TFDP2: variants seen among roughly 807,000 people sequenced by gnomAD.
TFDP2 encodes the protein transcription factor Dp-2 (E2F dimerization partner 2).
Under a neutral mutation model 59.3 loss-of-function variants are expected in TFDP2, and 17 were observed. The ratio of observed to expected loss-of-function variants is 0.29; its 90% CI spans 0.20 to 0.43. The LOEUF (loss-of-function observed/expected upper bound fraction) is 0.43. Among genes scored for constraint, TFDP2 ranks in the 20% least tolerant of loss-of-function variants. TFDP2 has a pLI of 1.00. For synonymous variants in TFDP2, 180 were observed against 194.7 expected (o/e 0.92, Z 0.63); for missense variants, 391 against 528.8 (o/e 0.74, Z 2.56).
At position 142,009,967 on chromosome 3, in the gene TFDP2, G is replaced by A. The variant is rs567289583; in HGVS notation, c.83-4423C>T. ...TTAAAACTTTATAGAAGTATTAGAA[G>A]AAAAAATATAATAATATTTTTATAA... is the stretch of plus-strand genomic sequence containing the variant. On this transcript the variant is annotated intron_variant, in intron 3 of 12. Transcript: ENST00000489671. Among the ~76,000 whole-genome samples the A allele has an allele frequency of 1.3e-4, 20 of 151,846 alleles. No homozygotes were observed. In the South Asian group the frequency reaches 3.9e-3, roughly 30 times the overall value.
At chr3:141,993,246 GT>G in intron 6 of TFDP2, among the ~76,000 whole-genome samples, 1 of 152,004 alleles carries the variant, frequency 6.6e-6, no homozygotes, top group African/African-American at 2.4e-5. Flanking sequence ...GCATGTTAGG[GT>G]AATGTGGAGT....
chr3:141,959,099 T>C (rs1033255966), intron 11 of TFDP2, among the ~76,000 whole-genome samples: 5 of 151,880 alleles, frequency 3.3e-5, no homozygotes, highest in Non-Finnish European at 7.4e-5. Context: ...ATTACAGATA[T>C]GTGCCATCAC....
intron 2 of TFDP2, among the ~76,000 whole-genome samples, chr3:142,099,699 C>T (rs1343903627): frequency 8.0e-6 from 1 of 124,660 alleles, no homozygotes; most frequent in African/African-American, 3.1e-5. Flanking sequence ...GACTCCATTT[C>T]AAAAAAAAAA....
chr3:142,089,151 A>G (rs772538790), intron 3 of TFDP2, among the ~76,000 whole-genome samples: 3 of 151,956 alleles, frequency 2.0e-5, no homozygotes, highest in Admixed American at 6.6e-5. Context: ...TTTAACCTCA[A>G]TTGAGTTCAG....
intron 11 of TFDP2, among the ~76,000 whole-genome samples, chr3:141,954,595 C>T (rs545153474): frequency 2.2e-4 from 33 of 151,614 alleles, no homozygotes; most frequent in Admixed American, 1.4e-3. Flanking sequence ...TGAGATCGTG[C>T]CACTGCACTC....
intron 3 of TFDP2, among the ~76,000 whole-genome samples, chr3:142,076,205 C>T (rs1299099264): frequency 5.6e-4 from 57 of 102,346 alleles, no homozygotes; most frequent in Admixed American, 1.3e-3. Context: ...AGTGAGACTC[C>T]GTCTCAAAAA....
chr3:142,116,873 G>A (rs6789998), intron 1 of TFDP2, among the ~76,000 whole-genome samples: 77,561 of 151,900 alleles, frequency 0.51, 22,411 homozygotes, highest in African/African-American at 0.8. Context: ...TAATTTTACT[G>A]TAAGTTCAGT....
intron 1 of TFDP2, among the ~76,000 whole-genome samples, chr3:142,114,976 TA>T (rs1252194611): frequency 1.3e-5 from 2 of 151,770 alleles, no homozygotes; most frequent in African/African-American, 2.4e-5. Flanking sequence ...ATTCTTTCAA[TA>T]AAAAAATTAT....
chr3:142,103,680 C>A (rs982385387), intron 1 of TFDP2, among the ~76,000 whole-genome samples: 5 of 152,090 alleles, frequency 3.3e-5, no homozygotes, highest in African/African-American at 1.2e-4. Flanking sequence ...TCTGGGAGTT[C>A]TTTGACCTAT....
At chr3:142,101,885 T>C (rs896488887) in intron 1 of TFDP2, 44 bp from the exon 2 acceptor site, 4 of 471,780 alleles carry the variant, frequency 8.5e-6, no homozygotes, top group Admixed American at 3.6e-5. Flanking sequence ...ATAATAATAA[T>C]AGGCAACATT....
At chr3:142,118,556 A>G (rs1239178657) in intron 1 of TFDP2, among the ~76,000 whole-genome samples, 1 of 152,214 alleles carries the variant, frequency 6.6e-6, no homozygotes, top group Non-Finnish European at 1.5e-5. Flanking sequence ...TTAAAGAAAT[A>G]GAAAGAAACA....
chr3:142,080,403 A>C (rs1560122067), intron 3 of TFDP2, among the ~76,000 whole-genome samples: 1 of 152,214 alleles, frequency 6.6e-6, no homozygotes, highest in Non-Finnish European at 1.5e-5. Flanking sequence ...AATCACCTTA[A>C]CTAAAAGGAA....
rs368456084 is a variant in TFDP2, at chr3:142,005,428, A to T, written c.186+13T>A. The T allele has an allele frequency of 2.6e-6, 4 of 1,557,502 alleles. No individual in the cohort carries two copies. In the African/African-American group the frequency reaches 5.5e-5, roughly 21 times the overall value. The stretch of plus-strand genomic sequence containing the variant: ...AACAAAGTTTCAATTCTAAGATTTG[A>T]TAATTTTCTTACCATTTGGGGTCCA... On this transcript the variant is annotated intron_variant, in intron 4 of 12. Transcript: ENST00000489671.
At chr3:142,021,848 G>A (rs1945636013) in intron 3 of TFDP2, among the ~76,000 whole-genome samples, 1 of 152,106 alleles carries the variant, frequency 6.6e-6, no homozygotes, top group Non-Finnish European at 1.5e-5. Flanking sequence ...AAGGTCACTT[G>A]CAGGGCCCTT....
intron 3 of TFDP2, among the ~76,000 whole-genome samples, chr3:142,032,733 C>A (rs1946493720): frequency 6.6e-6 from 1 of 152,174 alleles, no homozygotes. Context: ...CTTGCCTCAT[C>A]CTCACCACCC....
chr3:142,122,950 A>G lies in TFDP2; in HGVS notation c.-92-21109T>C, dbSNP rs189814547. On this transcript the variant is annotated intron_variant, in intron 1 of 12. Transcript: ENST00000489671. ...AAAAACTAACACATTCAGTATGATT[A>G]CGTTTATATAAAGTTTTTTTTTTTT... Among the ~76,000 whole-genome samples, 40 of 152,062 alleles carry G rather than the reference A, an allele frequency of 2.6e-4. No individual in the cohort carries two copies. The East Asian group carries it at 7.0e-3, about 26-fold the overall frequency.
intron 11 of TFDP2, 107 bp downstream of exon 11, chr3:141,959,567 C>T (rs1937107536): frequency 1.6e-6 from 2 of 1,231,606 alleles, no homozygotes; most frequent in African/African-American, 1.5e-5. Flanking sequence ...TTTGTCGACA[C>T]AAGCACAGAT....
intron 3 of TFDP2, among the ~76,000 whole-genome samples, chr3:142,013,005 C>T (rs1944841967): frequency 6.6e-6 from 1 of 151,996 alleles, no homozygotes; most frequent in Non-Finnish European, 1.5e-5. Context: ...GGTATGGTGG[C>T]ACGCATTTGT....
intron 7 of TFDP2, among the ~76,000 whole-genome samples, chr3:141,977,959 C>T (rs1940949405): frequency 6.6e-6 from 1 of 151,566 alleles, no homozygotes; most frequent in Admixed American, 6.6e-5. Flanking sequence ...ATCCACCCAC[C>T]TCAGACTCCC....
Sources: allele counts gnomAD v4.1 joint callset (sites outside exome capture counted in the v4.1 genomes callset), GRCh38; gene constraint gnomAD v4.1.1; transcripts MANE v1.5; gene names NCBI Gene and HGNC (gene_info 2026-07-23, HGNC 2026-07-21).